Variants in USP8 observed in about 807,000 individuals in gnomAD.
USP8 encodes ubiquitin specific peptidase 8.
Under a neutral mutation model 130.0 loss-of-function variants are expected in USP8, and 27 were observed. The ratio of observed to expected loss-of-function variants is 0.21; its 90% CI spans 0.15 to 0.29. The LOEUF (loss-of-function observed/expected upper bound fraction) is 0.29. Among genes scored for constraint, USP8 ranks in the 10% least tolerant of loss-of-function variants. The probability of loss-of-function intolerance (pLI) is 1.00; values close to 1 mark genes in which losing one functional copy is unlikely to be tolerated. For synonymous variants in USP8, 392 were observed against 444.1 expected (o/e 0.88, Z 1.48); for missense variants, 1,029 against 1,312.2 (o/e 0.78, Z 3.33).
At chr15:50,434,191 CT>C (rs1395535828) in intron 1 of USP8, among the ~76,000 whole-genome samples, 1 of 151,926 alleles carries the variant, frequency 6.6e-6, no homozygotes, top group African/African-American at 2.4e-5. Flanking sequence ...CAATCTTCAC[CT>C]CCTGGGTTCA....
intron 4 of USP8, among the ~76,000 whole-genome samples, chr15:50,450,462 C>CTT (rs35800074): frequency 0.1 from 8,354 of 79,964 alleles, 468 homozygotes; most frequent in Middle Eastern, 0.19. Flanking sequence ...GTTAGTCATT[C>CTT]TTTTTTTTTT....
In USP8 at chr15:50,430,579, AT is replaced by A. The variant is rs527657343; in HGVS notation, c.-66+6075del. Among the ~76,000 whole-genome samples the A allele has an allele frequency of 1.1e-4, 17 of 147,872 alleles. No individual in the cohort carries two copies. The East Asian group carries it at 2.2e-3, about 19-fold the overall frequency. On this transcript the variant is annotated intron_variant, in intron 1 of 19. Coordinates refer to ENST00000307179, the MANE Select transcript of USP8 (RefSeq NM_005154.5). Reference sequence around the variant, plus strand: ...TGCCCTGCTAATTTTTTATTTTTTTATTTTTTTTTTGTAGTGATAAGGTCTC... The same window carrying A: ...TGCCCTGCTAATTTTTTATTTTTTTATTTTTTTTTGTAGTGATAAGGTCTC...
At chr15:50,462,929 T>C (rs752334845) in intron 6 of USP8, among the ~76,000 whole-genome samples, 45 of 151,096 alleles carry the variant, frequency 3.0e-4, no homozygotes, top group South Asian at 6.3e-4. Context: ...CTAAATTATT[T>C]AACAGTCATT....
intron 4 of USP8, among the ~76,000 whole-genome samples, chr15:50,451,998 G>C (rs534388024): frequency 2.1e-4 from 32 of 152,332 alleles, no homozygotes; most frequent in Non-Finnish European, 4.1e-4. Flanking sequence ...TGCCGAGTGG[G>C]GTCCGTGGCC....
intron 8 of USP8, 44 bp from the exon 9 acceptor site, chr15:50,476,805 G>A: frequency 6.6e-7 from 1 of 1,505,710 alleles, no homozygotes. Flanking sequence ...TTTAGCTGTT[G>A]AAAGATTGCT....
intron 16 of USP8, among the ~76,000 whole-genome samples, chr15:50,495,232 GTA>G (rs148202858): frequency 2.4e-5 from 2 of 82,868 alleles, no homozygotes; most frequent in Admixed American, 1.8e-4. Flanking sequence ...AAATATTTGT[GTA>G]TATATATATA....
chr15:50,441,416 A>G lies in USP8; in HGVS notation c.172A>G (p.Arg58Gly), dbSNP rs144092934. ...ATGCAGATTAGATCGTGATGAGGAA[A>G]GGGCCTATGTACTATATATGAAATA... ...EECRLDRDEE[R>G]AYVLYMKYVT... Residue 58 changes from arginine to glycine, a missense_variant, in exon 3 of 20, where the codon AGG (arginine) becomes GGG (glycine). This residue lies in a region of USP8 where 281 missense variants were observed against 336.7 expected (regional missense o/e 0.83). Transcript: ENST00000307179. 1.2e-6 allele frequency: 2 copies of G among 1,610,654 alleles called. No homozygotes were observed. Among genetic ancestry groups the G allele is most frequent in the South Asian group, 1.1e-5 (1 of 90,494 alleles).
intron 4 of USP8, among the ~76,000 whole-genome samples, chr15:50,453,014 A>C (rs945077408): frequency 6.6e-6 from 1 of 152,210 alleles, no homozygotes; most frequent in Non-Finnish European, 1.5e-5. Context: ...AGCATATGAG[A>C]TAGGCAGGAA....
At chr15:50,451,338 G>A (rs1405111795) in intron 4 of USP8, among the ~76,000 whole-genome samples, 2 of 152,192 alleles carry the variant, frequency 1.3e-5, no homozygotes, top group Non-Finnish European at 2.9e-5. Flanking sequence ...TTCAGCCTGG[G>A]AGGCAGAGGT....
In USP8 at chr15:50,439,033, T is replaced by A; in HGVS notation, c.-41T>A. ...GGAAAGAAGCACTTGTAAGGAAATATAGCATCCATTGTGAAAGTGGAAAAG... is the reference window on the plus strand; with the variant it reads ...GGAAAGAAGCACTTGTAAGGAAATAAAGCATCCATTGTGAAAGTGGAAAAG... On this transcript the variant is annotated 5_prime_UTR_variant, in exon 2 of 20. Transcript: ENST00000307179. 2.9e-6 allele frequency: 4 copies of A among 1,363,328 alleles called. No individual in the cohort carries two copies. The highest frequency in any genetic ancestry group is 4.2e-6 in the Non-Finnish European group (4 of 960,528). 84.5% of individuals were successfully genotyped at this position (1,363,328 alleles called of 1,614,324 possible). A position where few individuals can be genotyped will look rare whatever the true frequency, so the allele number is the denominator to read the frequency against.
chr15:50,449,803 G>A (rs1313176093), intron 4 of USP8, among the ~76,000 whole-genome samples: 2 of 150,970 alleles, frequency 1.3e-5, no homozygotes, highest in East Asian at 1.9e-4. Flanking sequence ...GGATGGTCTC[G>A]ATCTCCTGAC....
intron 12 of USP8, among the ~76,000 whole-genome samples, chr15:50,485,550 A>ATTT (rs71424071): frequency 0.03 from 824 of 27,898 alleles, 102 homozygotes; most frequent in Non-Finnish European, 0.04. Flanking sequence ...CAGTTTAGTG[A>ATTT]TTTTTTTTTT....
In USP8 at chr15:50,490,366, C is replaced by T. The variant is rs112703306; in HGVS notation, c.2075C>T (p.Thr692Ile). The T allele has an allele frequency of 1.1e-5, 18 of 1,613,940 alleles. No homozygotes were observed. In the African/African-American group the frequency reaches 1.7e-4, roughly 16 times the overall value. ...GCTCCTTCATCTGCACCTCCTTCCA[C>T]CCCTCCAACTCATAAAGCCAAGCCA... Reference protein sequence around the residue: ...EMAPSSAPPSTPPTHKAKPQI... With the variant: ...EMAPSSAPPSIPPTHKAKPQI... The change falls in exon 14 of 20, where the codon ACC (threonine) becomes ATC (isoleucine). Residue 692 changes from threonine to isoleucine, a missense_variant. Physicochemically the swap from Thr to Ile is moderately conservative, Grantham distance 89. Coordinates refer to ENST00000307179, the MANE Select transcript of USP8 (RefSeq NM_005154.5).
At chr15:50,469,783 C>T (rs539724667) in intron 7 of USP8, among the ~76,000 whole-genome samples, 121 of 151,942 alleles carry the variant, frequency 8.0e-4, no homozygotes, top group Non-Finnish European at 1.5e-3. Flanking sequence ...GAGCTCCTTA[C>T]CCAGAGGTGT....
chr15:50,440,884 C>T (rs550753201), intron 2 of USP8, among the ~76,000 whole-genome samples: 26 of 152,114 alleles, frequency 1.7e-4, no homozygotes, highest in Non-Finnish European at 3.5e-4. Context: ...CTCCTGTAAT[C>T]CCAGCTACTT....
intron 17 of USP8, 33 bp downstream of exon 17, chr15:50,496,117 T>C (rs2052390875): frequency 6.6e-7 from 1 of 1,521,168 alleles, no homozygotes; most frequent in African/African-American, 1.4e-5. Context: ...AAATGATTTA[T>C]TGGATAAAAA....
intron 2 of USP8, among the ~76,000 whole-genome samples, chr15:50,440,543 T>A (rs1409890493): frequency 6.6e-6 from 1 of 152,240 alleles, no homozygotes; most frequent in African/African-American, 2.4e-5. Flanking sequence ...ATTGTGCACT[T>A]TATTTCTATT....
chr15:50,477,124 A>G, intron 9 of USP8, 131 bp downstream of exon 9: 1 of 1,360,206 alleles, frequency 7.4e-7, no homozygotes, highest in Non-Finnish European at 1.0e-6. Context: ...GCATAAAAAT[A>G]TAAGCCTGGA....
In USP8 at chr15:50,500,777, G is replaced by A. The variant is rs909058218; in HGVS notation, c.*1689G>A. The A allele has an allele frequency of 4.4e-6, 7 of 1,588,398 alleles. No homozygotes were observed. The African/African-American group carries it at 9.4e-5, about 21-fold the overall frequency. On this transcript the variant is annotated 3_prime_UTR_variant, in exon 20 of 20. Coordinates refer to ENST00000307179, the MANE Select transcript of USP8 (RefSeq NM_005154.5). ...GTGTTATCAAAGCTATATCAGGCCT[G>A]GGTGACTGAATTCTTGCAGAAAGCA...
Sources: gnomAD v4.1 joint callset for allele counts (sites outside exome capture counted in the v4.1 genomes callset) on GRCh38, gnomAD v4.1.1 for gene constraint, gnomAD v4.1.1 regional missense constraint, MANE v1.5 for transcripts, NCBI Gene and HGNC (gene_info 2026-07-23, HGNC 2026-07-21) for gene names.